Variants in EPHA3 observed in about 807,000 individuals in gnomAD.
The protein encoded by EPHA3 is EPH receptor A3, also known as ephrin type-A receptor 3.
A neutral mutation model predicts 107.1 loss-of-function variants in EPHA3; 42 were observed. That is an observed-to-expected ratio of 0.39 (90% CI 0.31 to 0.51). The LOEUF (loss-of-function observed/expected upper bound fraction) is 0.51, where lower values mean the gene tolerates loss of function less well. Among genes scored for constraint, EPHA3 ranks in the 20% least tolerant of loss-of-function variants. The probability of loss-of-function intolerance (pLI) is 0.78; values close to 1 mark genes in which losing one functional copy is unlikely to be tolerated. For synonymous variants in EPHA3, 461 were observed against 424.8 expected (o/e 1.09, Z -1.05); for missense variants, 1,183 against 1,211.2 (o/e 0.98, Z 0.35).
At chr3:89,398,403 T>A (rs1708891987) in intron 6 of EPHA3, among the ~76,000 whole-genome samples, 1 of 152,230 alleles carries the variant, frequency 6.6e-6, no homozygotes, top group African/African-American at 2.4e-5. Context: ...GTGAATCTAA[T>A]GTACAATGTG....
chr3:89,167,710 C>T (rs1038242990), intron 2 of EPHA3, among the ~76,000 whole-genome samples: 2 of 152,066 alleles, frequency 1.3e-5, no homozygotes, highest in Non-Finnish European at 2.9e-5. Flanking sequence ...TAGGGAGTAT[C>T]TGAGGACTAA....
chr3:89,205,956 G>A (rs915767967), intron 2 of EPHA3, among the ~76,000 whole-genome samples: 1 of 152,028 alleles, frequency 6.6e-6, no homozygotes, highest in Non-Finnish European at 1.5e-5. Context: ...CAAAGCATGA[G>A]CATTATAACA....
At chr3:89,132,207 G>A (rs1415614700) in intron 2 of EPHA3, among the ~76,000 whole-genome samples, 1 of 152,184 alleles carries the variant, frequency 6.6e-6, no homozygotes, top group African/African-American at 2.4e-5. Flanking sequence ...TAGAAAGGCA[G>A]AGCCCAGTGA....
At chr3:89,261,822 G>C (rs537487833) in intron 3 of EPHA3, among the ~76,000 whole-genome samples, 5 of 150,742 alleles carry the variant, frequency 3.3e-5, no homozygotes, top group Admixed American at 2.0e-4. Flanking sequence ...GATACTATTA[G>C]TTTGGTGCAA....
intron 2 of EPHA3, among the ~76,000 whole-genome samples, chr3:89,148,489 AAAAT>A (rs1443497333): frequency 1.3e-5 from 2 of 152,014 alleles, no homozygotes. Flanking sequence ...AAAGTTATAC[AAAAT>A]GTTTGTGTCT....
chr3:89,191,034 AC>A (rs1410574439), intron 2 of EPHA3, among the ~76,000 whole-genome samples: 1 of 152,068 alleles, frequency 6.6e-6, no homozygotes, highest in African/African-American at 2.4e-5. Flanking sequence ...TTAAACGTTT[AC>A]CCATTTCATT....
At chr3:89,275,993 G>T (rs1705796131) in intron 3 of EPHA3, among the ~76,000 whole-genome samples, 1 of 152,016 alleles carries the variant, frequency 6.6e-6, no homozygotes. Flanking sequence ...GTCTGAACTA[G>T]AACCAGCAGG....
chr3:89,412,037 G>A lies in EPHA3; in HGVS notation c.1763-1104G>A, dbSNP rs559430119. Among the ~76,000 whole-genome samples the A allele has an allele frequency of 2.0e-5, 3 of 151,890 alleles. No individual in the cohort carries two copies. The South Asian group carries it at 6.2e-4, about 31-fold the overall frequency. ...GCTATGAATGTTATCAAAATTAAAA[G>A]CAAAATCAGTAGTCTTAGCAGATAT... On this transcript the variant is annotated intron_variant, in intron 9 of 16. Coordinates refer to ENST00000336596, the MANE Select transcript of EPHA3 (RefSeq NM_005233.6).
chr3:89,452,211 G>A (rs146003010), intron 15 of EPHA3, among the ~76,000 whole-genome samples: 2 of 152,086 alleles, frequency 1.3e-5, no homozygotes, highest in African/African-American at 4.8e-5. Flanking sequence ...CATTTCCTTT[G>A]GCTATATACC....
chr3:89,231,825 A>T (rs1704641353), intron 3 of EPHA3, among the ~76,000 whole-genome samples: 1 of 152,224 alleles, frequency 6.6e-6, no homozygotes, highest in African/African-American at 2.4e-5. Flanking sequence ...AGAAATGATG[A>T]CCCAAAGATC....
At chr3:89,164,605 A>G (rs1705023059) in intron 2 of EPHA3, among the ~76,000 whole-genome samples, 1 of 152,110 alleles carries the variant, frequency 6.6e-6, no homozygotes, top group Admixed American at 6.6e-5. Context: ...CTCTGAACTT[A>G]CTAGAAATCT....
At chr3:89,276,716 T>C (rs1156248315) in intron 3 of EPHA3, among the ~76,000 whole-genome samples, 1 of 152,108 alleles carries the variant, frequency 6.6e-6, no homozygotes, top group African/African-American at 2.4e-5. Context: ...GAAAGATTTA[T>C]TATTCTAATC....
chr3:89,364,364 A>C lies in EPHA3; in HGVS notation c.1306+22274A>C, dbSNP rs888220922. Among the ~76,000 whole-genome samples the C allele has an allele frequency of 8.6e-5, 13 of 151,020 alleles. 1 individual carries two copies. Among genetic ancestry groups the C allele is most frequent in the African/African-American group, 3.1e-4 (13 of 41,326 alleles). On this transcript the variant is annotated intron_variant, in intron 5 of 16. Transcript: ENST00000336596. ...TACTCCAAGCCAATCCTACAGATGCAGAGTCTCTGAAAATAAGCATAGGGA... is the reference window on the plus strand; with the variant it reads ...TACTCCAAGCCAATCCTACAGATGCCGAGTCTCTGAAAATAAGCATAGGGA...
chr3:89,235,093 T>C (rs1344961244), intron 3 of EPHA3, among the ~76,000 whole-genome samples: 4 of 145,562 alleles, frequency 2.7e-5, no homozygotes, highest in Non-Finnish European at 4.5e-5. Context: ...TCTCAATATT[T>C]GTAGTTTTAG....
intron 2 of EPHA3, among the ~76,000 whole-genome samples, chr3:89,205,875 T>C (rs1161309890): frequency 6.6e-6 from 1 of 152,026 alleles, no homozygotes; most frequent in Non-Finnish European, 1.5e-5. Flanking sequence ...ATAATGATAA[T>C]ATATAATGAA....
At chr3:89,261,455 G>T (rs62274981) in intron 3 of EPHA3, among the ~76,000 whole-genome samples, 33,267 of 151,940 alleles carry the variant, frequency 0.22, 3,961 homozygotes, top group Non-Finnish European at 0.27. Flanking sequence ...TGCGGACCTT[G>T]CTTAGAACTT....
chr3:89,259,197 C>T (rs1394836257), intron 3 of EPHA3, among the ~76,000 whole-genome samples: 1 of 152,110 alleles, frequency 6.6e-6, no homozygotes, highest in Non-Finnish European at 1.5e-5. Flanking sequence ...ACCTCTCTGA[C>T]CTTTGCTACT....
In EPHA3 at chr3:89,134,711, C is replaced by T. The variant is rs114238690; in HGVS notation, c.153+7438C>T. 6.0e-3 allele frequency among the ~76,000 whole-genome samples: 907 copies of T among 152,236 alleles called. 7 individuals carry two copies. Among genetic ancestry groups the T allele is most frequent in the Non-Finnish European group, 9.8e-3 (668 of 68,032 alleles). ...CACTATGCTCCTCATCTTCAAGGCCCTTGTCTCCTGTGCAAAATTTCTTGA... is the reference window on the plus strand; with the variant it reads ...CACTATGCTCCTCATCTTCAAGGCCTTTGTCTCCTGTGCAAAATTTCTTGA... On this transcript the variant is annotated intron_variant, in intron 2 of 16. Transcript: ENST00000336596.
At chr3:89,237,201 C>A (rs1475861269) in intron 3 of EPHA3, among the ~76,000 whole-genome samples, 1 of 152,176 alleles carries the variant, frequency 6.6e-6, no homozygotes, top group Non-Finnish European at 1.5e-5. Flanking sequence ...AAAACCCTGT[C>A]TCTACTAAAA....
Sources: gnomAD v4.1 joint callset for allele counts (sites outside exome capture counted in the v4.1 genomes callset) on GRCh38, gnomAD v4.1.1 for gene constraint, MANE v1.5 for transcripts, NCBI Gene and HGNC (gene_info 2026-07-23, HGNC 2026-07-21) for gene names.